Variants in NBPF12 observed in about 807,000 individuals in gnomAD.
NBPF12 encodes NBPF member 12, also known as NBPF family member NBPF12.
NBPF12 carries 115 observed loss-of-function variants against 146.4 expected under a neutral mutation model. The ratio of observed to expected loss-of-function variants is 0.79; its 90% CI spans 0.68 to 0.92. The LOEUF (loss-of-function observed/expected upper bound fraction) is 0.92. Ranked by LOEUF, NBPF12 falls within the 40% of genes least tolerant of loss-of-function variation. The pLI is 0.00. For missense variants in NBPF12, 1,205 were observed against 1,326.8 expected, an observed-to-expected ratio of 0.91 and a Z score of 1.43; for synonymous variants, 385 against 508.9, an observed-to-expected ratio of 0.76 and a Z score of 3.28.
chr1:146,964,749 G>T, intron 7 of NBPF12, 144 bp from the exon 11 acceptor site: 1 of 1,289,510 alleles, frequency 7.8e-7, no homozygotes, highest in South Asian at 1.2e-5. Flanking sequence ...GAAGAGGATT[G>T]CCTGTTCCCT....
upstream of NBPF12, among the ~76,000 whole-genome samples, chr1:146,948,697 GA>G (rs1655182288): frequency 1.3e-5 from 2 of 151,986 alleles, no homozygotes; most frequent in Admixed American, 6.5e-5. Flanking sequence ...CATGGGAAGG[GA>G]AAGACCTGAC....
rs1198900607 is a variant in NBPF12, at chr1:146,971,807, C to A, written c.1591+413C>A. On this transcript the variant is annotated intron_variant, in intron 13 of 33. Coordinates refer to ENST00000617844, the Ensembl canonical transcript of NBPF12. ...ATTAATAAGAAGTCTTGGCCAGGCG[C>A]GGTGGCTCACACATGTAATCCCAGC... Among the ~76,000 whole-genome samples, 4 of 150,580 alleles carry A rather than the reference C, an allele frequency of 2.7e-5. No individual in the cohort carries two copies. The East Asian group carries it at 7.8e-4, about 29-fold the overall frequency.
intron 7 of NBPF12, 26 bp from the exon 11 acceptor site, chr1:146,964,867 C>T: frequency 2.6e-6 from 4 of 1,545,306 alleles, no homozygotes; most frequent in South Asian, 1.1e-5. Flanking sequence ...AATCTTCTGT[C>T]ATCTCTGTCC....
chr1:146,981,743 G>C (rs1250879953), intron 19 of NBPF12, among the ~76,000 whole-genome samples: 1 of 151,720 alleles, frequency 6.6e-6, no homozygotes, highest in African/African-American at 2.4e-5. Flanking sequence ...TTGGAGGCTT[G>C]TTCATTTCTT....
intron 13 of NBPF12, among the ~76,000 whole-genome samples, chr1:146,971,940 T>C (rs1374206311): frequency 7.5e-6 from 1 of 133,770 alleles, no homozygotes; most frequent in Non-Finnish European, 1.6e-5. Flanking sequence ...AAAAAAAAAT[T>C]AGCTGGGCGC....
chr1:146,978,663 T>C (rs1657201705), intron 18 of NBPF12, among the ~76,000 whole-genome samples: 3 of 150,800 alleles, frequency 2.0e-5, no homozygotes, highest in Admixed American at 6.7e-5. Context: ...CTTAGAAAAT[T>C]GTTTGACCAA....
chr1:146,955,011 T>G (rs1448201160), intron 2 of NBPF12, among the ~76,000 whole-genome samples: 4 of 78,880 alleles, frequency 5.1e-5, no homozygotes, highest in Admixed American at 1.6e-4. Context: ...TATATATATA[T>G]ATACACACAC....
chr1:146,978,260 ATTTTTT>A (rs1187524068), intron 18 of NBPF12, among the ~76,000 whole-genome samples: 19 of 83,884 alleles, frequency 2.3e-4, no homozygotes, highest in African/African-American at 4.8e-4. Context: ...AGCGTCGTAG[ATTTTTT>A]TTTTTTTTTT....
At chr1:146,994,487 T>C (rs1381381826) in exon 34 of NBPF12, 3 of 1,607,262 alleles carry the variant, frequency 1.9e-6, no homozygotes, top group Non-Finnish European at 2.5e-6. Context: ...CACATCACCT[T>C]TGCCCTTGAC....
At chr1:146,958,550 ATGT>A (rs1280205559) in intron 2 of NBPF12, among the ~76,000 whole-genome samples, 1 of 55,368 alleles carries the variant, frequency 1.8e-5, no homozygotes, top group African/African-American at 5.9e-5. Flanking sequence ...TCTCCTTATT[ATGT>A]TGTTGTTTAA....
At chr1:146,980,683 G>A (rs1237010528) in intron 19 of NBPF12, among the ~76,000 whole-genome samples, 7 of 151,816 alleles carry the variant, frequency 4.6e-5, no homozygotes, top group Non-Finnish European at 7.3e-5. Context: ...CTGTTGGTGG[G>A]ACTGTAAACT....
At chr1:146,940,378 C>T (rs1468069783) in intron 1 of NBPF12, among the ~76,000 whole-genome samples, 4 of 151,750 alleles carry the variant, frequency 2.6e-5, no homozygotes, top group South Asian at 2.1e-4. Flanking sequence ...CCAAGGTGGG[C>T]GGATCACTTG....
rs1655974495 is a variant in NBPF12 at position 146,963,261 on chromosome 1, G to A, written c.445G>A (p.Ala149Thr). 3.7e-6 allele frequency: 6 copies of A among 1,611,964 alleles called. No individual in the cohort carries two copies. In the Admixed American group the frequency reaches 6.7e-5, roughly 18 times the overall value. ...GGGGCAGGACCTCCAAGAACAGCTG[G>A]CTGAGGGGTGTAGACTGGCACAGCA... The change falls in exon 6 of 34, where the codon GCT (alanine) becomes ACT (threonine). Residue 149 changes from alanine to threonine, a missense_variant. Coordinates refer to ENST00000617844, the Ensembl canonical transcript of NBPF12.
intron 31 of NBPF12, among the ~76,000 whole-genome samples, chr1:146,992,462 C>CAG (rs1553889583): frequency 0.013 from 850 of 65,818 alleles, 2 homozygotes; most frequent in Non-Finnish European, 0.015. Flanking sequence ...CTCTCTCTCT[C>CAG]TGTGTGTGTG....
upstream of NBPF12, among the ~76,000 whole-genome samples, chr1:146,945,063 CCTT>C (rs1252463451): frequency 7.7e-5 from 10 of 129,380 alleles, no homozygotes; most frequent in South Asian, 2.9e-4. Context: ...TCCCTCCCTC[CCTT>C]CTTTTCTTCC....
intron 25 of NBPF12, among the ~76,000 whole-genome samples, chr1:146,987,531 T>C: frequency 6.6e-6 from 1 of 152,056 alleles, no homozygotes; most frequent in East Asian, 1.9e-4. Context: ...GGTGACTGCA[T>C]GGAAACTTGA....
intron 7 of NBPF12, 66 bp downstream of exon 10, chr1:146,964,495 C>T (rs1157367363): frequency 6.3e-7 from 1 of 1,590,582 alleles, no homozygotes; most frequent in Non-Finnish European, 8.6e-7. Flanking sequence ...AAGGCACACC[C>T]TCTCTGGCAT....
At chr1:146,989,543 G>T (rs1304748676) in intron 27 of NBPF12, 31 bp from the exon 31 acceptor site, 21 of 1,347,142 alleles carry the variant, frequency 1.6e-5, no homozygotes, top group Non-Finnish European at 1.9e-5. Flanking sequence ...GATTCCCCCT[G>T]GCTTATTCTT....
At chr1:146,938,460 G>T (rs1460908009), upstream of NBPF12, among the ~76,000 whole-genome samples, 1 of 152,164 alleles carries the variant, frequency 6.6e-6, no homozygotes, top group African/African-American at 2.4e-5. Context: ...GGAAATCGGC[G>T]AATTGCAGGG....
Sources: allele counts gnomAD v4.1 joint callset (sites outside exome capture counted in the v4.1 genomes callset), GRCh38; gene constraint gnomAD v4.1.1; transcripts MANE v1.5; gene names NCBI Gene and HGNC (gene_info 2026-07-23, HGNC 2026-07-21).